Variants in EPHB1 observed in about 807,000 individuals in gnomAD.
The protein encoded by EPHB1 is EPH receptor B1, also known as ephrin type-B receptor 1.
Under a neutral mutation model 94.4 loss-of-function variants are expected in EPHB1, and 30 were observed. The ratio of observed to expected loss-of-function variants is 0.32; its 90% CI spans 0.24 to 0.43. The LOEUF is 0.43. EPHB1 is among the 20% of genes least tolerant of loss of function. The pLI is 1.00. For synonymous variants in EPHB1, 522 were observed against 489.1 expected (o/e 1.07, Z -0.89); for missense variants, 1,055 against 1,308.3 (o/e 0.81, Z 2.99).
intron 5 of EPHB1, among the ~76,000 whole-genome samples, chr3:135,133,854 C>A (rs1024520848): frequency 1.3e-5 from 2 of 152,190 alleles, no homozygotes; most frequent in Non-Finnish European, 2.9e-5. Flanking sequence ...TCCGTTCATG[C>A]ACTTATTTAT....
chr3:135,211,611 G>C (rs755585560), intron 12 of EPHB1, among the ~76,000 whole-genome samples: 2 of 152,054 alleles, frequency 1.3e-5, no homozygotes, highest in Admixed American at 6.5e-5. Flanking sequence ...TAACATTGTT[G>C]TTTCATTGTC....
chr3:135,125,925 A>T (rs541717369), intron 4 of EPHB1, among the ~76,000 whole-genome samples: 16 of 151,942 alleles, frequency 1.1e-4, no homozygotes, highest in African/African-American at 3.6e-4. Flanking sequence ...CATCTCAAAG[A>T]CCCTTTTACC....
chr3:135,018,789 C>T (rs548152281), intron 3 of EPHB1, among the ~76,000 whole-genome samples: 2 of 152,110 alleles, frequency 1.3e-5, no homozygotes, highest in Non-Finnish European at 1.5e-5. Context: ...GAGTGAATGC[C>T]GGCCTCATTT....
At chr3:135,102,028 A>G (rs1939052305) in intron 3 of EPHB1, among the ~76,000 whole-genome samples, 1 of 152,120 alleles carries the variant, frequency 6.6e-6, no homozygotes, top group African/African-American at 2.4e-5. Flanking sequence ...GTCAATCCAC[A>G]ATAAATATTT....
At chr3:135,107,806 A>T (rs1328299445) in intron 4 of EPHB1, among the ~76,000 whole-genome samples, 9 of 152,142 alleles carry the variant, frequency 5.9e-5, no homozygotes, top group Non-Finnish European at 1.3e-4. Flanking sequence ...ATTTGAACTG[A>T]GGAAAAGCTC....
At chr3:135,084,869 G>C (rs1005977160) in intron 3 of EPHB1, among the ~76,000 whole-genome samples, 2 of 152,202 alleles carry the variant, frequency 1.3e-5, no homozygotes, top group Non-Finnish European at 2.9e-5. Flanking sequence ...GAGCTGTAAT[G>C]AACACTAAAA....
At chr3:134,964,637 A>G (rs1218370067) in intron 3 of EPHB1, among the ~76,000 whole-genome samples, 2 of 152,204 alleles carry the variant, frequency 1.3e-5, no homozygotes, top group African/African-American at 4.8e-5. Context: ...TGTCACACAC[A>G]TGCCCACATG....
chr3:134,984,594 G>A (rs1934527354), intron 3 of EPHB1, among the ~76,000 whole-genome samples: 1 of 152,126 alleles, frequency 6.6e-6, no homozygotes, highest in African/African-American at 2.4e-5. Flanking sequence ...GCCCCAGAGA[G>A]GGAAGGGCCC....
chr3:134,915,285 A>G (rs987427393), intron 1 of EPHB1, among the ~76,000 whole-genome samples: 2 of 152,224 alleles, frequency 1.3e-5, no homozygotes, highest in Non-Finnish European at 2.9e-5. Context: ...ATACTAGAGT[A>G]TGACGGACCC....
intron 3 of EPHB1, among the ~76,000 whole-genome samples, chr3:135,081,563 A>T (rs1938165424): frequency 6.6e-6 from 1 of 152,132 alleles, no homozygotes; most frequent in South Asian, 2.1e-4. Context: ...GCAAAATGTC[A>T]TGTCTGCCAA....
intron 11 of EPHB1, among the ~76,000 whole-genome samples, chr3:135,200,553 G>A (rs145212666): frequency 6.6e-6 from 1 of 152,288 alleles, no homozygotes; most frequent in African/African-American, 2.4e-5. Context: ...AGGAAAAGAT[G>A]TATTCATCAT....
At chr3:135,108,915 C>T (rs532368471) in intron 4 of EPHB1, among the ~76,000 whole-genome samples, 1 of 152,152 alleles carries the variant, frequency 6.6e-6, no homozygotes, top group East Asian at 1.9e-4. Flanking sequence ...GACAGACTAC[C>T]AGGACAGTGG....
chr3:135,046,137 G>A (rs531134366), intron 3 of EPHB1, among the ~76,000 whole-genome samples: 1 of 152,272 alleles, frequency 6.6e-6, no homozygotes, highest in South Asian at 2.1e-4. Flanking sequence ...TATGAAAATA[G>A]TTATTTTTCA....
At chr3:134,883,487 T>G (rs1363613801) in intron 1 of EPHB1, among the ~76,000 whole-genome samples, 1 of 152,212 alleles carries the variant, frequency 6.6e-6, no homozygotes, top group Non-Finnish European at 1.5e-5. Context: ...ATTCGAGAAC[T>G]GGATTCAAAG....
intron 1 of EPHB1, among the ~76,000 whole-genome samples, chr3:134,805,737 G>A (rs1389549756): frequency 6.6e-6 from 1 of 152,146 alleles, no homozygotes; most frequent in Non-Finnish European, 1.5e-5. Flanking sequence ...TGTGTTGCAT[G>A]TCTTACTGTT....
chr3:135,075,883 G>C (rs1016856431), intron 3 of EPHB1, among the ~76,000 whole-genome samples: 1 of 152,182 alleles, frequency 6.6e-6, no homozygotes, highest in Admixed American at 6.5e-5. Flanking sequence ...TGTAGGTAAC[G>C]TTAGCCCTTT....
At chr3:134,979,736 T>G (rs1408750341) in intron 3 of EPHB1, among the ~76,000 whole-genome samples, 2 of 151,338 alleles carry the variant, frequency 1.3e-5, no homozygotes, top group African/African-American at 4.9e-5. Flanking sequence ...AATGGGTTGA[T>G]CAGGAGCAAC....
chr3:135,212,822 G>A (rs926793160), intron 12 of EPHB1, among the ~76,000 whole-genome samples: 4 of 152,098 alleles, frequency 2.6e-5, no homozygotes, highest in African/African-American at 9.7e-5. Flanking sequence ...CATTTTTCCT[G>A]TATTTTCTTT....
intron 1 of EPHB1, among the ~76,000 whole-genome samples, chr3:134,915,660 G>A (rs1314056549): frequency 2.0e-5 from 3 of 152,164 alleles, no homozygotes; most frequent in African/African-American, 4.8e-5. Context: ...TGGTGGGTTC[G>A]TGGTCTCGCT....
Sources: allele counts gnomAD v4.1 joint callset (sites outside exome capture counted in the v4.1 genomes callset), GRCh38; gene constraint gnomAD v4.1.1; transcripts MANE v1.5; gene names NCBI Gene and HGNC (gene_info 2026-07-23, HGNC 2026-07-21).